NRG1: variants seen among roughly 807,000 people sequenced by gnomAD.
NRG1 encodes pro-neuregulin-1, membrane-bound isoform.
Under a neutral mutation model 63.8 loss-of-function variants are expected in NRG1, and 18 were observed. That is an observed-to-expected ratio of 0.28 (90% CI 0.19 to 0.42). The LOEUF is 0.42. Among genes scored for constraint, NRG1 ranks in the 10% least tolerant of loss-of-function variants. The pLI, the probability that NRG1 is intolerant of heterozygous loss-of-function variation, is 1.00. For synonymous variants in NRG1, 302 were observed against 301.3 expected (o/e 1.00, Z -0.02); for missense variants, 762 against 814.7 (o/e 0.94, Z 0.79).
intron 1 of NRG1, among the ~76,000 whole-genome samples, chr8:32,255,538 G>A (rs1849600257): frequency 6.6e-6 from 1 of 152,210 alleles, no homozygotes; most frequent in African/African-American, 2.4e-5. Flanking sequence ...CTTCTGGCTT[G>A]TAGGGTTTCT....
intron 1 of NRG1, among the ~76,000 whole-genome samples, chr8:32,074,155 T>C (rs931724320): frequency 6.6e-6 from 1 of 152,214 alleles, no homozygotes; most frequent in Admixed American, 6.5e-5. Flanking sequence ...ATATAACTTA[T>C]TAATTTCTGT....
chr8:32,561,997 A>G (rs1235810403), intron 1 of NRG1, among the ~76,000 whole-genome samples: 1 of 152,152 alleles, frequency 6.6e-6, no homozygotes, highest in Non-Finnish European at 1.5e-5. Context: ...TCTGGGCCTC[A>G]CATGGGTGTC....
At chr8:31,794,731 A>T (rs1482446236) in intron 1 of NRG1, among the ~76,000 whole-genome samples, 1 of 152,140 alleles carries the variant, frequency 6.6e-6, no homozygotes, top group Non-Finnish European at 1.5e-5. Context: ...CTTATGGAGT[A>T]GTAACATGAT....
intron 1 of NRG1, among the ~76,000 whole-genome samples, chr8:32,008,165 T>A (rs149620582): frequency 1.3e-3 from 197 of 152,160 alleles, no homozygotes; most frequent in Middle Eastern, 6.8e-3. Flanking sequence ...GTGAACAGGC[T>A]GCTTAGTGAA....
At chr8:32,690,871 G>T (rs1423571899) in intron 5 of NRG1, among the ~76,000 whole-genome samples, 1 of 151,632 alleles carries the variant, frequency 6.6e-6, no homozygotes, top group Non-Finnish European at 1.5e-5. Context: ...AGGAGTATCT[G>T]GCTGCTATCT....
chr8:32,760,575 T>C, intron 11 of NRG1, 169 bp downstream of exon 11: 24 of 1,427,018 alleles, frequency 1.7e-5, no homozygotes, highest in South Asian at 1.2e-4. Flanking sequence ...TTGACGGAAC[T>C]TATTTCTTCT....
At position 31,800,837 on chromosome 8, in the gene NRG1, C is replaced by CTTT. The variant is rs5890598; in HGVS notation, c.37+161425_37+161427dup. On this transcript the variant is annotated intron_variant, in intron 1 of 10. Transcript: ENST00000519301. ...GATTTAGATTTCTCCAGTCTCCTTT[C>CTTT]TTTTTTTTTTTTTTTTTTTTTGAGA... Among the ~76,000 whole-genome samples, 237 of 105,004 alleles carry CTTT rather than the reference C, an allele frequency of 2.3e-3. 6 individuals are homozygous for CTTT. Among genetic ancestry groups the CTTT allele is most frequent in the Non-Finnish European group, 3.2e-3 (170 of 53,744 alleles). The allele number at this position is 105,004 out of a possible 152,430, so 68.9% of individuals were successfully genotyped here. A position where few individuals can be genotyped will look rare whatever the true frequency, so the allele number is the denominator to read the frequency against.
chr8:32,630,015 A>G (rs1309447178), intron 5 of NRG1, among the ~76,000 whole-genome samples: 1 of 152,204 alleles, frequency 6.6e-6, no homozygotes, highest in Non-Finnish European at 1.5e-5. Context: ...AGATGTAGAG[A>G]CTGATACTCA....
chr8:32,041,735 CAG>C (rs1820082242), intron 1 of NRG1, among the ~76,000 whole-genome samples: 1 of 152,136 alleles, frequency 6.6e-6, no homozygotes, highest in Non-Finnish European at 1.5e-5. Flanking sequence ...GAGCATGTAA[CAG>C]AGAAGAAGGA....
At chr8:32,234,876 A>T (rs1379124352) in intron 1 of NRG1, among the ~76,000 whole-genome samples, 1 of 151,592 alleles carries the variant, frequency 6.6e-6, no homozygotes, top group African/African-American at 2.4e-5. Flanking sequence ...TTCATACCCC[A>T]CCTCTGTTTG....
intron 1 of NRG1, among the ~76,000 whole-genome samples, chr8:32,368,280 T>A (rs889359134): frequency 6.6e-6 from 1 of 152,192 alleles, no homozygotes; most frequent in Non-Finnish European, 1.5e-5. Flanking sequence ...TTGAAAGTAC[T>A]TCTAGGGTCT....
intron 1 of NRG1, among the ~76,000 whole-genome samples, chr8:31,797,114 G>T (rs1323417873): frequency 6.6e-6 from 1 of 152,172 alleles, no homozygotes; most frequent in Non-Finnish European, 1.5e-5. Context: ...TTATTGACAT[G>T]TGGGCTTTGA....
At chr8:32,517,380 A>G (rs1314301895) in intron 1 of NRG1, among the ~76,000 whole-genome samples, 1 of 152,132 alleles carries the variant, frequency 6.6e-6, no homozygotes, top group Non-Finnish European at 1.5e-5. Context: ...AAACACTCTT[A>G]TAGTATTCAG....
intron 1 of NRG1, among the ~76,000 whole-genome samples, chr8:32,432,873 G>A (rs533621505): frequency 2.6e-5 from 4 of 152,202 alleles, no homozygotes; most frequent in Admixed American, 6.6e-5. Flanking sequence ...AGTCGCATTC[G>A]GGTGGAGCAA....
At chr8:32,438,756 G>T (rs565629022) in intron 1 of NRG1, among the ~76,000 whole-genome samples, 10 of 151,956 alleles carry the variant, frequency 6.6e-5, no homozygotes, top group Non-Finnish European at 1.2e-4. Flanking sequence ...AGCTCATTTT[G>T]GTTTTACTTT....
chr8:32,302,174 G>C (rs113033530), intron 1 of NRG1, among the ~76,000 whole-genome samples: 16 of 152,294 alleles, frequency 1.1e-4, no homozygotes, highest in Non-Finnish European at 2.4e-4. Context: ...GGTCTTGGGG[G>C]TGCAGGAATT....
intron 1 of NRG1, among the ~76,000 whole-genome samples, chr8:31,722,720 T>C (rs1813042756): frequency 6.6e-6 from 1 of 152,062 alleles, no homozygotes; most frequent in Admixed American, 6.6e-5. Context: ...ACACATAGAG[T>C]AAAAGAGTTA....
chr8:32,751,492 A>G (rs1357193422), intron 7 of NRG1, among the ~76,000 whole-genome samples: 1 of 152,208 alleles, frequency 6.6e-6, no homozygotes, highest in African/African-American at 2.4e-5. Context: ...TGGGGAAAAA[A>G]GAGGTTAAAG....
At chr8:32,558,785 G>A (rs1182396321) in intron 1 of NRG1, among the ~76,000 whole-genome samples, 1 of 152,104 alleles carries the variant, frequency 6.6e-6, no homozygotes, top group Non-Finnish European at 1.5e-5. Flanking sequence ...CTGGAGCAAT[G>A]TAAGTTACAG....
Sources: gnomAD v4.1 joint callset for allele counts (sites outside exome capture counted in the v4.1 genomes callset) on GRCh38, gnomAD v4.1.1 for gene constraint, MANE v1.5 for transcripts, NCBI Gene and HGNC (gene_info 2026-07-23, HGNC 2026-07-21) for gene names.